The following PEPD variants were observed in gnomAD, a reference collection of about 807,000 sequenced individuals.
The protein encoded by PEPD is peptidase D.
PEPD carries 53 observed loss-of-function variants against 60.7 expected under a neutral mutation model. The observed-to-expected ratio is 0.87, with a 90% CI of 0.70 to 1.10. The LOEUF (loss-of-function observed/expected upper bound fraction) is 1.10. PEPD is among the 50% of genes least tolerant of loss of function. PEPD has a pLI of 0.00. For missense variants in PEPD, 711 were observed against 711.9 expected, an observed-to-expected ratio of 1.00 and a Z score of 0.01; for synonymous variants, 267 against 284.1, an observed-to-expected ratio of 0.94 and a Z score of 0.60.
intron 7 of PEPD, among the ~76,000 whole-genome samples, chr19:33,470,078 C>T (rs370609918): frequency 3.3e-5 from 5 of 152,096 alleles, no homozygotes; most frequent in South Asian, 4.2e-4. Flanking sequence ...TCATCCTAGA[C>T]GCCCTCTCCC....
At chr19:33,494,642 C>T (rs547969518) in intron 4 of PEPD, among the ~76,000 whole-genome samples, 18 of 152,200 alleles carry the variant, frequency 1.2e-4, no homozygotes, top group Non-Finnish European at 1.6e-4. Flanking sequence ...GGACAGTAAA[C>T]GTCCAGTAGG....
At position 33,495,575 on chromosome 19, in the gene PEPD, G is replaced by A. The variant is rs148605246; in HGVS notation, c.394-2238C>T. On this transcript the variant is annotated intron_variant, in intron 4 of 14. Coordinates refer to ENST00000244137, the MANE Select transcript of PEPD (RefSeq NM_000285.4). ...CACAGACTTTGTCAAGGTTTACCAT[G>A]CTCCTGGCCCAATGATCCTCCAGAC... Among the ~76,000 whole-genome samples the A allele has an allele frequency of 5.9e-5, 9 of 152,156 alleles. No individual in the cohort carries two copies. The East Asian group carries it at 7.7e-4, about 13-fold the overall frequency.
chr19:33,455,541 C>T (rs987323117), intron 9 of PEPD, among the ~76,000 whole-genome samples: 3 of 151,390 alleles, frequency 2.0e-5, no homozygotes, highest in Non-Finnish European at 2.9e-5. Context: ...CTCACTCTGT[C>T]GCCCAGATGG....
chr19:33,408,360 C>T (rs982097153), intron 11 of PEPD, among the ~76,000 whole-genome samples: 1 of 152,246 alleles, frequency 6.6e-6, no homozygotes, highest in Non-Finnish European at 1.5e-5. Flanking sequence ...CTGCTCTTGC[C>T]CGAAGAGGGC....
chr19:33,420,553 T>G (rs906690457), intron 9 of PEPD, among the ~76,000 whole-genome samples: 4 of 151,874 alleles, frequency 2.6e-5, no homozygotes, highest in Non-Finnish European at 4.4e-5. Flanking sequence ...AACACAAAAA[T>G]TAGCCAGGCA....
chr19:33,492,359 G>A (rs1266529863), intron 5 of PEPD, among the ~76,000 whole-genome samples: 1 of 152,156 alleles, frequency 6.6e-6, no homozygotes, highest in Non-Finnish European at 1.5e-5. Context: ...GAGACAGAGG[G>A]TGGGAATAAA....
At chr19:33,456,256 G>A (rs1386168154) in intron 9 of PEPD, among the ~76,000 whole-genome samples, 1 of 152,142 alleles carries the variant, frequency 6.6e-6, no homozygotes, top group Non-Finnish European at 1.5e-5. Context: ...GCCAAGTGGT[G>A]TAGACACAGC....
At chr19:33,468,313 A>C (rs1970057712) in intron 7 of PEPD, among the ~76,000 whole-genome samples, 1 of 152,254 alleles carries the variant, frequency 6.6e-6, no homozygotes, top group Non-Finnish European at 1.5e-5. Context: ...AAGATCAGCA[A>C]AGCTGGAGTG....
chr19:33,432,181 C>A (rs561890386), intron 9 of PEPD, among the ~76,000 whole-genome samples: 2 of 152,220 alleles, frequency 1.3e-5, no homozygotes, highest in Admixed American at 1.3e-4. Context: ...CAAGCTCTGT[C>A]GGCAAGGCTC....
chr19:33,489,308 T>G (rs1970453480), intron 6 of PEPD, among the ~76,000 whole-genome samples: 1 of 152,062 alleles, frequency 6.6e-6, no homozygotes. Flanking sequence ...AGAGCCGGGT[T>G]GGAAGGGGTT....
intron 9 of PEPD, among the ~76,000 whole-genome samples, chr19:33,453,102 G>A (rs1393225345): frequency 1.3e-5 from 2 of 151,858 alleles, no homozygotes; most frequent in South Asian, 2.1e-4. Flanking sequence ...CAGGAGGATC[G>A]CTTGAGTCCA....
chr19:33,490,047 T>G lies in PEPD; in HGVS notation c.452A>C (p.Asn151Thr), dbSNP rs368559424. ...PSVLLTLRGVNTDSGSVCREA... is the reference protein window; with the variant it reads ...PSVLLTLRGVTTDSGSVCREA... Reference sequence around the variant, plus strand: ...CCTGCAGACACTGCCGCTGTCCGTGTTGACGCCACGCTGGGGAGAGAGAAC... The same window carrying G: ...CCTGCAGACACTGCCGCTGTCCGTGGTGACGCCACGCTGGGGAGAGAGAAC... The change falls in exon 6 of 15, where the codon AAC becomes ACC. Residue 151 changes from asparagine to threonine, a missense_variant. Transcript: ENST00000244137. The G allele has an allele frequency of 6.2e-7, 1 of 1,612,306 alleles. No individual in the cohort carries two copies. Among genetic ancestry groups the G allele is most frequent in the Non-Finnish European group, 8.5e-7 (1 of 1,178,824 alleles).
intron 12 of PEPD, among the ~76,000 whole-genome samples, chr19:33,394,877 G>A (rs1328646570): frequency 6.6e-6 from 1 of 152,184 alleles, no homozygotes; most frequent in Non-Finnish European, 1.5e-5. Context: ...CTTTCCCGAA[G>A]CACCCCTGCA....
At chr19:33,432,277 T>C (rs180681416) in intron 9 of PEPD, among the ~76,000 whole-genome samples, 126 of 152,308 alleles carry the variant, frequency 8.3e-4, no homozygotes, top group Middle Eastern at 3.4e-3. Flanking sequence ...TTCTCTGGAA[T>C]CAGATTCTTT....
At chr19:33,411,932 C>T (rs1408377549) in intron 10 of PEPD, among the ~76,000 whole-genome samples, 183 bp from the exon 11 acceptor site, 1 of 152,226 alleles carries the variant, frequency 6.6e-6, no homozygotes, top group East Asian at 1.9e-4. Flanking sequence ...GCCCTGTCAC[C>T]CCGCAGTCAC....
intron 12 of PEPD, among the ~76,000 whole-genome samples, chr19:33,399,577 A>G (rs1274124191): frequency 6.6e-6 from 1 of 152,060 alleles, no homozygotes; most frequent in Non-Finnish European, 1.5e-5. Flanking sequence ...ACTGGGCACC[A>G]TCTGCAAAGG....
chr19:33,402,221 C>T (rs181605281), intron 11 of PEPD, among the ~76,000 whole-genome samples: 23 of 152,276 alleles, frequency 1.5e-4, no homozygotes, highest in Admixed American at 1.5e-3. Context: ...GTTTGGAGAA[C>T]TAAGGAGAGG....
rs531598592 is a variant in PEPD at position 33,431,045 on chromosome 19, C to T, written c.672-17402G>A. 3.4e-4 allele frequency among the ~76,000 whole-genome samples: 52 copies of T among 151,830 alleles called. 1 individual carries two copies. The South Asian group carries it at 9.8e-3, about 29-fold the overall frequency. Reference sequence around the variant, plus strand: ...GGAGGACTGCTTGAGCCCAGGAGGTCGAGGCAGTGAGCTATGATCGCACCA... The same window carrying T: ...GGAGGACTGCTTGAGCCCAGGAGGTTGAGGCAGTGAGCTATGATCGCACCA... On this transcript the variant is annotated intron_variant, in intron 9 of 14. Transcript: ENST00000244137.
chr19:33,489,602 C>G (rs1970458777), intron 6 of PEPD, among the ~76,000 whole-genome samples: 1 of 151,748 alleles, frequency 6.6e-6, no homozygotes, highest in Non-Finnish European at 1.5e-5. Flanking sequence ...GCACTCCAGC[C>G]TGGGTGACAG....
Sources: gnomAD v4.1 joint callset for allele counts (sites outside exome capture counted in the v4.1 genomes callset) on GRCh38, gnomAD v4.1.1 for gene constraint, MANE v1.5 for transcripts, NCBI Gene and HGNC (gene_info 2026-07-23, HGNC 2026-07-21) for gene names.